ASRGL1: variants seen among roughly 807,000 people sequenced by gnomAD.
ASRGL1 encodes the protein isoaspartyl peptidase/L-asparaginase.
Under a neutral mutation model 22.4 loss-of-function variants are expected in ASRGL1, and 16 were observed. The observed-to-expected ratio is 0.71, with a 90% CI of 0.48 to 1.08. The LOEUF is 1.08. ASRGL1 is among the 50% of genes least tolerant of loss of function. The pLI, the probability that ASRGL1 is intolerant of heterozygous loss-of-function variation, is 0.00. For synonymous variants in ASRGL1, 165 were observed against 159.3 expected, an observed-to-expected ratio of 1.04 and a Z score of -0.27; for missense variants, 412 against 410.1, an observed-to-expected ratio of 1.00 and a Z score of -0.04.
At chr11:62,370,080 AG>A (rs1349456385) in intron 4 of ASRGL1, among the ~76,000 whole-genome samples, 1 of 151,540 alleles carries the variant, frequency 6.6e-6, no homozygotes, top group African/African-American at 2.4e-5. Context: ...TTAATCCCAT[AG>A]TCACTGCAAT....
Position 62,392,411 on chromosome 11 carries a change from T to A in ASRGL1, c.*127T>A. ...CCGTCTGTCACTTGTTTTGTTGCCT[T>A]AATAAGCATCTGAATGTTTGGTTGT... On this transcript the variant is annotated 3_prime_UTR_variant, in exon 7 of 7. Coordinates refer to ENST00000415229, the MANE Select transcript of ASRGL1 (RefSeq NM_001083926.2). The A allele has an allele frequency of 2.7e-6, 3 of 1,120,314 alleles. No individual in the cohort carries two copies. Among genetic ancestry groups the A allele is most frequent in the Non-Finnish European group, 3.9e-6 (3 of 778,510 alleles). The allele number at this position is 1,120,314 out of a possible 1,614,324, so 69.4% of individuals were successfully genotyped here. A position where few individuals can be genotyped will look rare whatever the true frequency, so the allele number is the denominator to read the frequency against.
chr11:62,385,802 T>C (rs931524302), intron 4 of ASRGL1, among the ~76,000 whole-genome samples: 2 of 152,158 alleles, frequency 1.3e-5, no homozygotes, highest in African/African-American at 2.4e-5. Context: ...AGGTGGAGAT[T>C]GCAGTGAGCC....
At chr11:62,387,051 C>T (rs1947231256) in intron 4 of ASRGL1, among the ~76,000 whole-genome samples, 1 of 130,160 alleles carries the variant, frequency 7.7e-6, no homozygotes, top group South Asian at 2.8e-4. Context: ...CGCCACCACA[C>T]TTAGCTAATT....
chr11:62,363,114 T>C (rs1946523952), intron 4 of ASRGL1, among the ~76,000 whole-genome samples: 1 of 151,258 alleles, frequency 6.6e-6, no homozygotes, highest in East Asian at 1.9e-4. Flanking sequence ...TTTGTATTTT[T>C]AGTAGAGACG....
rs766892557 is a variant in ASRGL1, at chr11:62,392,086, G to A, written c.729G>A (p.Thr243=). Residue 243 remains threonine, a synonymous_variant, in exon 7 of 7, where the codon ACG becomes ACA. Coordinates refer to ENST00000415229, the MANE Select transcript of ASRGL1 (RefSeq NM_001083926.2). The part of the protein sequence containing the change: ...LTLFHIEQGK[T]VEEAADLSLG... ...ACCCTTCCTTGTTTTCAGGAAAGAC[G>A]GTAGAAGAGGCTGCGGACCTATCGT... 41 of 1,614,036 alleles carry A rather than the reference G, an allele frequency of 2.5e-5. No homozygotes were observed. The highest frequency in any genetic ancestry group is 6.7e-5 in the East Asian group (3 of 44,902).
At chr11:62,399,383 C>T in the ASRGL1 span, among the ~76,000 whole-genome samples, 2 of 152,192 alleles carry the variant, frequency 1.3e-5, no homozygotes, top group African/African-American at 2.4e-5. Context: ...GCAGCCAGTT[C>T]GTGTGATTGC....
chr11:62,362,909 T>A lies in ASRGL1; in HGVS notation c.491+5765T>A, dbSNP rs1216594329. ...GGATTTAATTTTTTTTTTTTTTTTT[T>A]TTTTTTTTTTTTTTTTTTTTTTTTT... On this transcript the variant is annotated intron_variant, in intron 4 of 6. Coordinates refer to ENST00000415229, the MANE Select transcript of ASRGL1 (RefSeq NM_001083926.2). 2.6e-3 allele frequency among the ~76,000 whole-genome samples: 110 copies of A among 42,904 alleles called. 1 individual carries two copies. In the East Asian group the frequency reaches 0.044, roughly 17 times the overall value. 28.1% of individuals were successfully genotyped at this position (42,904 alleles called of 152,430 possible). A position where few individuals can be genotyped will look rare whatever the true frequency, so the allele number is the denominator to read the frequency against.
intron 4 of ASRGL1, among the ~76,000 whole-genome samples, chr11:62,362,801 G>T (rs1326278053): frequency 1.0e-4 from 4 of 38,966 alleles, no homozygotes; most frequent in Non-Finnish European, 1.4e-4. Context: ...GTATCTACTT[G>T]CTTATCTGAC....
downstream of ASRGL1, among the ~76,000 whole-genome samples, chr11:62,395,759 C>CT (rs564952668): frequency 0.07 from 5,038 of 71,820 alleles, 1,237 homozygotes; most frequent in Non-Finnish European, 0.1. Flanking sequence ...GTAGCTGTTT[C>CT]TTTTTTTTTT....
At chr11:62,389,855 G>A (rs949791543) in intron 5 of ASRGL1, 1 of 160,766 alleles carries the variant, frequency 6.2e-6, no homozygotes, top group African/African-American at 2.4e-5. Flanking sequence ...ACAGGTGACT[G>A]AAGTTTTGAG....
the ASRGL1 span, among the ~76,000 whole-genome samples, chr11:62,398,452 C>T: frequency 5.9e-5 from 9 of 152,208 alleles, no homozygotes; most frequent in Non-Finnish European, 8.8e-5. Context: ...CAAATTACCC[C>T]AGGTGGAGGC....
chr11:62,357,339 T>C (rs377339246), intron 4 of ASRGL1, 195 bp downstream of exon 4: 11 of 530,528 alleles, frequency 2.1e-5, no homozygotes, highest in Admixed American at 3.5e-5. Context: ...AGCCTCCGCC[T>C]CCCAGGCTCA....
chr11:62,398,205 G>T (rs148057651), downstream of ASRGL1, among the ~76,000 whole-genome samples: 1 of 152,172 alleles, frequency 6.6e-6, no homozygotes, highest in Non-Finnish European at 1.5e-5. Context: ...CAGAAGTTTG[G>T]CAAAGGGTGA....
At chr11:62,373,775 T>C (rs1228139321) in intron 4 of ASRGL1, among the ~76,000 whole-genome samples, 1 of 152,222 alleles carries the variant, frequency 6.6e-6, no homozygotes, top group African/African-American at 2.4e-5. Context: ...GCTGCAACAT[T>C]ATAGAATCAG....
chr11:62,392,359 A>G lies in ASRGL1; in HGVS notation c.*75A>G, dbSNP rs1947361683. On this transcript the variant is annotated 3_prime_UTR_variant, in exon 7 of 7. Coordinates refer to ENST00000415229, the MANE Select transcript of ASRGL1 (RefSeq NM_001083926.2). ...CTCCTCATGAGACATAGCCTAATCA[A>G]TTAGATCTAGAATTGGAAAAATTGT... The G allele has an allele frequency of 7.8e-6, 12 of 1,539,392 alleles. No individual in the cohort carries two copies. Among genetic ancestry groups the G allele is most frequent in the Non-Finnish European group, 3.6e-6 (4 of 1,119,048 alleles).
intron 1 of ASRGL1, 89 bp downstream of exon 1, chr11:62,337,663 T>G (rs1945754111): frequency 3.2e-6 from 1 of 313,632 alleles, no homozygotes; most frequent in Non-Finnish European, 5.9e-6. Context: ...GAAGGCGAAA[T>G]AGACATCCTC....
intron 2 of ASRGL1, among the ~76,000 whole-genome samples, chr11:62,354,602 G>C (rs771325056): frequency 6.6e-6 from 1 of 152,110 alleles, no homozygotes; most frequent in Non-Finnish European, 1.5e-5. Context: ...CTTGGTATTC[G>C]AGACGGCTGC....
At chr11:62,388,138 T>C (rs1947256991) in intron 4 of ASRGL1, among the ~76,000 whole-genome samples, 1 of 152,172 alleles carries the variant, frequency 6.6e-6, no homozygotes, top group Non-Finnish European at 1.5e-5. Flanking sequence ...TGTCACACAA[T>C]GGTAAGTACT....
At chr11:62,363,048 C>T (rs1396526150) in intron 4 of ASRGL1, among the ~76,000 whole-genome samples, 2 of 149,410 alleles carry the variant, frequency 1.3e-5, no homozygotes, top group African/African-American at 5.0e-5. Flanking sequence ...ATTCTCCTGC[C>T]TCAGCCTCCC....
Sources: gnomAD v4.1 joint callset for allele counts (sites outside exome capture counted in the v4.1 genomes callset) on GRCh38, gnomAD v4.1.1 for gene constraint, MANE v1.5 for transcripts, NCBI Gene and HGNC (gene_info 2026-07-23, HGNC 2026-07-21) for gene names.